The following NRIP1 variants were observed in gnomAD, a reference collection of about 807,000 sequenced individuals.
NRIP1 encodes the protein nuclear receptor interacting protein 1.
NRIP1 carries 28 observed loss-of-function variants against 75.0 expected under a neutral mutation model. That is an observed-to-expected ratio of 0.37 (90% confidence interval 0.28 to 0.51). The LOEUF is 0.51. Among genes scored for constraint, NRIP1 ranks in the 20% least tolerant of loss-of-function variants. The pLI is 0.92. For synonymous variants in NRIP1, 526 were observed against 487.6 expected, an observed-to-expected ratio of 1.08 and a Z score of -1.04; for missense variants, 1,435 against 1,343.7, an observed-to-expected ratio of 1.07 and a Z score of -1.06.
rs201622800 is a variant in NRIP1 at position 15,005,364 on chromosome 21, C to CT, written c.-335+8979_-335+8980insA. Among the ~76,000 whole-genome samples, 230 of 152,080 alleles carry CT rather than the reference C, an allele frequency of 1.5e-3. 1 individual carries two copies. The highest frequency in any genetic ancestry group is 2.9e-3 in the Non-Finnish European group (194 of 68,006). On this transcript the variant is annotated intron_variant, in intron 3 of 3. Coordinates refer to ENST00000318948, the MANE Select transcript of NRIP1 (RefSeq NM_003489.4). ...TCCTACAGCAAAAATTCACAGAGCC[C>CT]CCCAAAGAAGAAAAAGGGGGGTAAA...
chr21:14,978,505 GA>G (rs1321697433), intron 3 of NRIP1, among the ~76,000 whole-genome samples: 1 of 152,098 alleles, frequency 6.6e-6, no homozygotes, highest in Non-Finnish European at 1.5e-5. Flanking sequence ...AGCTAAATAT[GA>G]GCTTATATTC....
intron 2 of NRIP1, among the ~76,000 whole-genome samples, chr21:15,019,130 T>C (rs931441344): frequency 2.0e-5 from 3 of 148,122 alleles, no homozygotes; most frequent in South Asian, 4.2e-4. Context: ...ATTAATAATA[T>C]ATTATTATAT....
chr21:15,031,138 C>T lies in NRIP1; in HGVS notation c.-458+12357G>A, dbSNP rs1453871062. On this transcript the variant is annotated intron_variant, in intron 2 of 3. Coordinates refer to ENST00000318948, the MANE Select transcript of NRIP1 (RefSeq NM_003489.4). ...TTCTATGTGTATACACTCTGGAAGG[C>T]GCACGGAGGATCACCACATTCCCTT... Among the ~76,000 whole-genome samples the T allele has an allele frequency of 5.2e-3, 628 of 121,268 alleles. 7 individuals carry two copies. Among genetic ancestry groups the T allele is most frequent in the African/African-American group, 0.019 (573 of 30,970 alleles). 79.6% of individuals were successfully genotyped at this position (121,268 alleles called of 152,430 possible). A position where few individuals can be genotyped will look rare whatever the true frequency, so the allele number is the denominator to read the frequency against.
In NRIP1 at chr21:15,030,241, T is replaced by G. The variant is rs2088612624; in HGVS notation, c.-458+13254A>C. Among the ~76,000 whole-genome samples, 3 of 152,334 alleles carry G rather than the reference T, an allele frequency of 2.0e-5. No individual in the cohort carries two copies. In the South Asian group the frequency reaches 6.2e-4, roughly 32 times the overall value. On this transcript the variant is annotated intron_variant, in intron 2 of 3. Transcript: ENST00000318948. ...TAATAAGATCATTATGACAATTCATTAACTGCCAATACTCCAAATTTTTTG... is the reference window on the plus strand; with the variant it reads ...TAATAAGATCATTATGACAATTCATGAACTGCCAATACTCCAAATTTTTTG...
chr21:15,049,492 T>C (rs767472318), intron 1 of NRIP1, among the ~76,000 whole-genome samples: 2 of 152,090 alleles, frequency 1.3e-5, no homozygotes, highest in Non-Finnish European at 2.9e-5. Context: ...AATGCAATTG[T>C]AACACAAACA....
chr21:14,997,932 GGAGA>G (rs2087768551), intron 3 of NRIP1, among the ~76,000 whole-genome samples: 1 of 151,916 alleles, frequency 6.6e-6, no homozygotes, highest in Non-Finnish European at 1.5e-5. Context: ...AACCAGGCCT[GGAGA>G]TTTATTTTCC....
At chr21:14,981,632 G>C (rs951013340) in intron 3 of NRIP1, among the ~76,000 whole-genome samples, 3 of 152,036 alleles carry the variant, frequency 2.0e-5, no homozygotes, top group Non-Finnish European at 4.4e-5. Flanking sequence ...AAATGTTTCA[G>C]AACAACTTTT....
chr21:14,989,464 CAG>C (rs2087508310), intron 3 of NRIP1, among the ~76,000 whole-genome samples: 3 of 152,244 alleles, frequency 2.0e-5, no homozygotes, highest in Admixed American at 6.5e-5. Context: ...TTGACCAAAA[CAG>C]GGGTTAATTG....
At chr21:15,007,688 T>C (rs2088005178) in intron 3 of NRIP1, among the ~76,000 whole-genome samples, 1 of 152,184 alleles carries the variant, frequency 6.6e-6, no homozygotes, top group South Asian at 2.1e-4. Context: ...CCCTTGGCTA[T>C]AAGACAGAGA....
At chr21:15,003,092 T>C (rs1186562273) in intron 3 of NRIP1, among the ~76,000 whole-genome samples, 3 of 152,224 alleles carry the variant, frequency 2.0e-5, no homozygotes, top group African/African-American at 7.2e-5. Context: ...TATTTTTCTT[T>C]TATTCAAAAT....
chr21:15,052,457 TCAC>T (rs1335154124), intron 1 of NRIP1: 1 of 152,128 alleles, frequency 6.6e-6, no homozygotes, highest in Non-Finnish European at 1.5e-5. Context: ...TCCTATCCCC[TCAC>T]TACTTTTTTT....
rs146222935 is a variant in NRIP1, at chr21:15,051,129, A to C, written c.-537-7555T>G. ...CTCCTGCCCCTTTGGCCCCTAGACC[A>C]ACACTGGGGCTTTCTCATGTGGCCC... On this transcript the variant is annotated intron_variant, in intron 1 of 3. Coordinates refer to ENST00000318948, the MANE Select transcript of NRIP1 (RefSeq NM_003489.4). 5.2e-5 allele frequency: 18 copies of C among 346,274 alleles called. No homozygotes were observed. The East Asian group carries it at 1.2e-3, about 23-fold the overall frequency. The allele number at this position is 346,274 out of a possible 1,614,324, so 21.5% of individuals were successfully genotyped here.
chr21:15,030,802 C>T (rs998453118), intron 2 of NRIP1, among the ~76,000 whole-genome samples: 1 of 152,256 alleles, frequency 6.6e-6, no homozygotes, highest in Admixed American at 6.5e-5. Context: ...TAAAATAGAT[C>T]ACGACATTCC....
At chr21:14,990,008 C>G (rs940905158) in intron 3 of NRIP1, among the ~76,000 whole-genome samples, 3 of 152,098 alleles carry the variant, frequency 2.0e-5, no homozygotes, top group Non-Finnish European at 2.9e-5. Context: ...ATTTTCCCCA[C>G]TTCTCCTACT....
intron 2 of NRIP1, among the ~76,000 whole-genome samples, chr21:15,026,260 C>G (rs889922118): frequency 3.3e-5 from 5 of 152,056 alleles, no homozygotes; most frequent in African/African-American, 1.2e-4. Context: ...AGATAGTACA[C>G]CAATGATGAA....
intron 2 of NRIP1, among the ~76,000 whole-genome samples, chr21:15,029,036 T>C (rs1028090730): frequency 7.9e-5 from 12 of 151,970 alleles, no homozygotes; most frequent in Non-Finnish European, 1.8e-4. Context: ...TTTTAGCAAA[T>C]TCTGCAGGCT....
rs565107670 is a variant in NRIP1 at position 14,965,045 on chromosome 21, C to G, written c.3148G>C (p.Glu1050Gln). The G allele has an allele frequency of 1.2e-6, 2 of 1,613,924 alleles. No individual in the cohort carries two copies. Among genetic ancestry groups the G allele is most frequent in the Non-Finnish European group, 1.7e-6 (2 of 1,179,920 alleles). Residue 1050 changes from glutamate (E) to glutamine (Q), a missense_variant, in exon 4 of 4, where the codon GAG becomes CAG. Physicochemically the swap from Glu to Gln is conservative, Grantham distance 29 (BLOSUM62 2). Transcript: ENST00000318948. Reference protein sequence around the residue: ...GPIKWVITDAEKNEYEKDSPR... With the variant: ...GPIKWVITDAQKNEYEKDSPR... ...GAGTCTTTTTCATACTCATTCTTCT[C>G]CGCATCAGTGATAACCCACTTAATG...
chr21:15,032,252 A>G (rs28695679), intron 2 of NRIP1, among the ~76,000 whole-genome samples: 2,620 of 152,318 alleles, frequency 0.017, 74 homozygotes, highest in African/African-American at 0.058. Flanking sequence ...TTCTCACTAC[A>G]ACCACCTAAC....
chr21:15,047,701 G>A (rs918473868), intron 1 of NRIP1, among the ~76,000 whole-genome samples: 1 of 152,190 alleles, frequency 6.6e-6, no homozygotes, highest in African/African-American at 2.4e-5. Context: ...AATTCAAGAT[G>A]AGATTTGGGT....
Sources: gnomAD v4.1 joint callset for allele counts (sites outside exome capture counted in the v4.1 genomes callset) on GRCh38, gnomAD v4.1.1 for gene constraint, MANE v1.5 for transcripts, NCBI Gene and HGNC (gene_info 2026-07-23, HGNC 2026-07-21) for gene names.